SLC24A2: variants seen among roughly 807,000 people sequenced by gnomAD.
SLC24A2 encodes solute carrier family 24 member 2.
A neutral mutation model predicts 62.0 loss-of-function variants in SLC24A2; 36 were observed. The ratio of observed to expected loss-of-function variants is 0.58; its 90% CI spans 0.44 to 0.77. The LOEUF (loss-of-function observed/expected upper bound fraction) is 0.77. Among genes scored for constraint, SLC24A2 ranks in the 30% least tolerant of loss-of-function variants. The pLI is 0.00. For synonymous variants in SLC24A2, 358 were observed against 294.0 expected (o/e 1.22, Z -2.23); for missense variants, 846 against 817.9 (o/e 1.03, Z -0.42).
chr9:19,642,541 A>G (rs1188350229), intron 2 of SLC24A2, among the ~76,000 whole-genome samples: 1 of 152,178 alleles, frequency 6.6e-6, no homozygotes, highest in East Asian at 1.9e-4. Flanking sequence ...AACCAAGTTC[A>G]CTAATGCAGA....
At chr9:19,922,668 C>T in the SLC24A2 span, among the ~76,000 whole-genome samples, 1 of 152,272 alleles carries the variant, frequency 6.6e-6, no homozygotes, top group African/African-American at 2.4e-5. Context: ...AATCACAGCC[C>T]ATCACACAGC....
chr9:19,972,944 A>G, the SLC24A2 span, among the ~76,000 whole-genome samples: 4 of 152,162 alleles, frequency 2.6e-5, no homozygotes, highest in African/African-American at 9.7e-5. Flanking sequence ...TGTTTAAATA[A>G]CGATGTTAAG....
the SLC24A2 span, among the ~76,000 whole-genome samples, chr9:20,115,619 G>T: frequency 6.6e-6 from 1 of 152,126 alleles, no homozygotes; most frequent in Non-Finnish European, 1.5e-5. Context: ...CTTAAGATAT[G>T]ATCAAATTGT....
the SLC24A2 span, among the ~76,000 whole-genome samples, chr9:19,991,603 A>G: frequency 1.3e-5 from 2 of 152,168 alleles, no homozygotes; most frequent in African/African-American, 4.8e-5. Context: ...AAACATATCT[A>G]CCATATATAA....
chr9:20,099,787 A>G, the SLC24A2 span, among the ~76,000 whole-genome samples: 1 of 152,174 alleles, frequency 6.6e-6, no homozygotes, highest in Non-Finnish European at 1.5e-5. Flanking sequence ...TATTTTGTAG[A>G]AAATAGCTGC....
chr9:20,267,374 C>T, the SLC24A2 span, among the ~76,000 whole-genome samples: 1 of 152,280 alleles, frequency 6.6e-6, no homozygotes, highest in South Asian at 2.1e-4. Context: ...CCCGGATCCC[C>T]CTGAAAACTC....
chr9:20,307,128 T>C, the SLC24A2 span, among the ~76,000 whole-genome samples: 1 of 152,214 alleles, frequency 6.6e-6, no homozygotes, highest in Non-Finnish European at 1.5e-5. Flanking sequence ...TATATAATTA[T>C]CTTAAATGGA....
the SLC24A2 span, among the ~76,000 whole-genome samples, chr9:19,981,895 AG>A: frequency 6.6e-6 from 1 of 152,174 alleles, no homozygotes; most frequent in Admixed American, 6.6e-5. Flanking sequence ...GTCATGGGGA[AG>A]GAAAGTATAC....
the SLC24A2 span, among the ~76,000 whole-genome samples, chr9:19,850,946 C>CATATATAT: frequency 1.2e-4 from 3 of 24,720 alleles, no homozygotes; most frequent in East Asian, 1.1e-3. Flanking sequence ...TATATATATA[C>CATATATAT]ATATATATAT....
chr9:20,286,158 C>G, the SLC24A2 span, among the ~76,000 whole-genome samples: 1 of 152,202 alleles, frequency 6.6e-6, no homozygotes, highest in Non-Finnish European at 1.5e-5. Context: ...ATCCTTATGA[C>G]ACTGTCCAGA....
the SLC24A2 span, among the ~76,000 whole-genome samples, chr9:20,186,056 T>C: frequency 0.087 from 13,212 of 152,012 alleles, 1,398 homozygotes; most frequent in East Asian, 0.48. Context: ...TGGAGTTCTG[T>C]CTTGGGTGCC....
At chr9:19,688,481 G>A (rs1819949741) in intron 2 of SLC24A2, among the ~76,000 whole-genome samples, 1 of 152,064 alleles carries the variant, frequency 6.6e-6, no homozygotes, top group African/African-American at 2.4e-5. Context: ...GTAGTCACTG[G>A]GGTATACGGA....
chr9:19,937,546 A>G, the SLC24A2 span, among the ~76,000 whole-genome samples: 1 of 152,362 alleles, frequency 6.6e-6, no homozygotes, highest in East Asian at 1.9e-4. Flanking sequence ...AATTTCAAAT[A>G]GAATTTCTCT....
intron 2 of SLC24A2, among the ~76,000 whole-genome samples, chr9:19,700,275 G>A (rs893184457): frequency 6.6e-6 from 1 of 152,056 alleles, no homozygotes; most frequent in African/African-American, 2.4e-5. Flanking sequence ...TCAGAAGGTG[G>A]ATGTGAACTA....
At chr9:19,567,115 AATAT>A (rs1226600051) in intron 7 of SLC24A2, among the ~76,000 whole-genome samples, 6 of 150,640 alleles carry the variant, frequency 4.0e-5, no homozygotes, top group South Asian at 2.1e-4. Context: ...TAATAAAAAA[AATAT>A]ATATATAAAA....
At chr9:20,019,167 C>CAGAA in the SLC24A2 span, among the ~76,000 whole-genome samples, 2 of 79,050 alleles carry the variant, frequency 2.5e-5, no homozygotes, top group Non-Finnish European at 5.7e-5. Flanking sequence ...GAGAGAGAGA[C>CAGAA]AGAAAGAAAG....
the SLC24A2 span, among the ~76,000 whole-genome samples, chr9:20,077,882 T>A: frequency 6.6e-6 from 1 of 152,140 alleles, no homozygotes; most frequent in Admixed American, 6.5e-5. Flanking sequence ...ATTTTATCTG[T>A]AAAACATCCC....
chr9:19,699,687 A>C (rs954130478), intron 2 of SLC24A2, among the ~76,000 whole-genome samples: 8 of 152,226 alleles, frequency 5.3e-5, no homozygotes, highest in African/African-American at 1.9e-4. Context: ...AAATGTATCA[A>C]ATTAATACTT....
At chr9:19,556,238 C>A (rs911389151) in intron 7 of SLC24A2, among the ~76,000 whole-genome samples, 3 of 152,214 alleles carry the variant, frequency 2.0e-5, no homozygotes, top group Non-Finnish European at 4.4e-5. Flanking sequence ...GTACATCTTA[C>A]ACTTTTTCCA....
Sources: gnomAD v4.1 joint callset for allele counts (sites outside exome capture counted in the v4.1 genomes callset) on GRCh38, gnomAD v4.1.1 for gene constraint, MANE v1.5 for transcripts, NCBI Gene and HGNC (gene_info 2026-07-23, HGNC 2026-07-21) for gene names.